LEPROTL1: variants seen among roughly 807,000 people sequenced by gnomAD.
LEPROTL1 encodes the protein leptin receptor overlapping transcript like 1, also known as leptin receptor overlapping transcript-like 1.
A neutral mutation model predicts 15.4 loss-of-function variants in LEPROTL1; 6 were observed. That is an observed-to-expected ratio of 0.39 (90% CI 0.21 to 0.77). The LOEUF is 0.77. LEPROTL1 is among the 30% of genes least tolerant of loss of function. The pLI is 0.41. For missense variants in LEPROTL1, 128 were observed against 158.1 expected (o/e 0.81, Z 1.02); for synonymous variants, 56 against 52.6 (o/e 1.06, Z -0.28).
chr8:30,130,720 C>T (rs1016829469), intron 3 of LEPROTL1, among the ~76,000 whole-genome samples: 4 of 151,298 alleles, frequency 2.6e-5, no homozygotes, highest in Admixed American at 2.0e-4. Flanking sequence ...TAACATATAC[C>T]TGGGAATAAT....
chr8:30,099,190 C>A (rs1802421116), intron 1 of LEPROTL1, among the ~76,000 whole-genome samples: 1 of 152,192 alleles, frequency 6.6e-6, no homozygotes, highest in South Asian at 2.1e-4. Flanking sequence ...ATTGCTCTGT[C>A]TCCAGTAGCA....
intron 3 of LEPROTL1, among the ~76,000 whole-genome samples, chr8:30,131,366 C>T (rs774083386): frequency 6.7e-5 from 10 of 149,518 alleles, no homozygotes; most frequent in Non-Finnish European, 1.0e-4. Context: ...TGTTGCCCAA[C>T]CTGGTCTCAA....
chr8:30,095,452 C>A lies in LEPROTL1; in HGVS notation c.-61C>A. 6.9e-7 allele frequency: 1 copy of A among 1,459,262 alleles called. No individual in the cohort carries two copies. The highest frequency in any genetic ancestry group is 1.3e-5 in the South Asian group (1 of 76,834). The allele number at this position is 1,459,262 out of a possible 1,614,324, so 90.4% of individuals were successfully genotyped here. A position where few individuals can be genotyped will look rare whatever the true frequency, so the allele number is the denominator to read the frequency against. On this transcript the variant is annotated 5_prime_UTR_variant, in exon 1 of 4. Coordinates refer to ENST00000321250, the MANE Select transcript of LEPROTL1 (RefSeq NM_015344.3). ...GGCCGCCGTAGCGCGTCTTGGGTCT[C>A]CCGGCTGCCGCTGCTGCCGCCGCCG...
Position 30,107,815 on chromosome 8 carries a change from G to A in LEPROTL1, c.*1953G>A, listed in dbSNP as rs1208627775. ...ATTTTCTGTTCTGGATGTCAGTGCA[G>A]TGCACTGCTACTGTTTTATCCACTT... On this transcript the variant is annotated 3_prime_UTR_variant, in exon 4 of 4. Transcript: ENST00000321250. 5 of 985,238 alleles carry A rather than the reference G, an allele frequency of 5.1e-6. No homozygotes were observed. The East Asian group carries it at 5.7e-4, about 112-fold the overall frequency. 61.0% of individuals were successfully genotyped at this position (985,238 alleles called of 1,614,324 possible).
intron 3 of LEPROTL1, 74 bp downstream of exon 3, chr8:30,104,560 T>C (rs915161415): frequency 2.0e-6 from 2 of 1,000,108 alleles, no homozygotes; most frequent in Non-Finnish European, 1.4e-6. Flanking sequence ...AAAGTTTTTG[T>C]TAATGACATG....
At chr8:30,099,598 T>A (rs13256178) in intron 1 of LEPROTL1, among the ~76,000 whole-genome samples, 2 of 131,754 alleles carry the variant, frequency 1.5e-5, no homozygotes, top group African/African-American at 5.9e-5. Context: ...AAGACTCCAT[T>A]TAAAAAAAAA....
intron 3 of LEPROTL1, among the ~76,000 whole-genome samples, chr8:30,131,294 A>G (rs113566525): frequency 0.032 from 1,564 of 49,150 alleles, 36 homozygotes; most frequent in African/African-American, 0.056. Context: ...ATATATATAT[A>G]TATGTGTGTG....
intron 1 of LEPROTL1, chr8:30,095,984 C>T (rs561659435): frequency 3.6e-5 from 24 of 665,348 alleles, no homozygotes; most frequent in Admixed American, 2.3e-4. Flanking sequence ...GTGCGGTCTG[C>T]GGGCGCTGCA....
chr8:30,105,644 T>G (rs1011669796), intron 3 of LEPROTL1, 102 bp from the exon 4 acceptor site: 1 of 819,724 alleles, frequency 1.2e-6, no homozygotes, highest in East Asian at 3.1e-5. Context: ...CAAGGCATGC[T>G]TCTTTTAGAT....
intron 3 of LEPROTL1, among the ~76,000 whole-genome samples, chr8:30,129,946 G>T (rs1269960083): frequency 2.0e-5 from 3 of 151,950 alleles, no homozygotes; most frequent in African/African-American, 7.3e-5. Context: ...AAGGCGTTAC[G>T]CACTTTTATA....
chr8:30,136,170 C>A (rs1025400803), intron 4 of LEPROTL1, among the ~76,000 whole-genome samples: 1 of 152,148 alleles, frequency 6.6e-6, no homozygotes, highest in Non-Finnish European at 1.5e-5. Context: ...TATGGTCTAA[C>A]CCCAGTACCT....
At chr8:30,117,807 G>T in intron 3 of LEPROTL1, 1 of 686,286 alleles carries the variant, frequency 1.5e-6, no homozygotes, top group East Asian at 2.5e-5. Flanking sequence ...ATGGCAGGAG[G>T]AGCAGTGAGA....
intron 1 of LEPROTL1, among the ~76,000 whole-genome samples, chr8:30,100,237 T>G (rs1380821032): frequency 1.3e-5 from 2 of 152,210 alleles, no homozygotes; most frequent in South Asian, 2.1e-4. Flanking sequence ...ATATCAGTAG[T>G]ACTTGGCAAA....
Position 30,095,486 on chromosome 8 carries a change from C to T in LEPROTL1, c.-27C>T. The T allele has an allele frequency of 1.1e-5, 16 of 1,463,562 alleles. No homozygotes were observed. Among genetic ancestry groups the T allele is most frequent in the Non-Finnish European group, 1.4e-5 (16 of 1,111,922 alleles). The allele number at this position is 1,463,562 out of a possible 1,614,324, so 90.7% of individuals were successfully genotyped here. On this transcript the variant is annotated 5_prime_UTR_variant, in exon 1 of 4. Transcript: ENST00000321250. ...CGCTGCTGCCGCCGCCGCCTCGGGTCGTGGAGCCAGGAGCGACGTCACCGC... is the reference window on the plus strand; with the variant it reads ...CGCTGCTGCCGCCGCCGCCTCGGGTTGTGGAGCCAGGAGCGACGTCACCGC...
In LEPROTL1 at chr8:30,100,031, A is replaced by G. The variant is rs533151472; in HGVS notation, c.17-1867A>G. Among the ~76,000 whole-genome samples, 6 of 152,312 alleles carry G rather than the reference A, an allele frequency of 3.9e-5. No homozygotes were observed. The South Asian group carries it at 1.2e-3, about 32-fold the overall frequency. On this transcript the variant is annotated intron_variant, in intron 1 of 3. Coordinates refer to ENST00000321250, the MANE Select transcript of LEPROTL1 (RefSeq NM_015344.3). Reference sequence around the variant, plus strand: ...TACAGTTTATATTGCATTCCCCTGTAAACTTGAAGTGCCTCGTTTGCTGTA... The same window carrying G: ...TACAGTTTATATTGCATTCCCCTGTGAACTTGAAGTGCCTCGTTTGCTGTA...
downstream of LEPROTL1, among the ~76,000 whole-genome samples, chr8:30,111,721 C>T (rs559859963): frequency 7.9e-5 from 12 of 152,176 alleles, no homozygotes; most frequent in South Asian, 2.1e-4. Flanking sequence ...GTGGAGTTCA[C>T]GGAAGGGAAA....
chr8:30,101,769 A>G (rs1476342239), intron 1 of LEPROTL1, 129 bp from the exon 2 acceptor site: 2 of 511,426 alleles, frequency 3.9e-6, no homozygotes, highest in African/African-American at 2.0e-5. Flanking sequence ...TACACTTCTG[A>G]TGGCAACTTG....
chr8:30,130,021 A>G (rs997080865), intron 3 of LEPROTL1, among the ~76,000 whole-genome samples: 6 of 152,170 alleles, frequency 3.9e-5, no homozygotes, highest in Admixed American at 3.3e-4. Context: ...ATCCACCCCC[A>G]TGATTTAATC....
chr8:30,135,070 T>TC (rs1362073758), intron 4 of LEPROTL1, among the ~76,000 whole-genome samples: 2 of 150,708 alleles, frequency 1.3e-5, no homozygotes, highest in African/African-American at 4.9e-5. Context: ...TTTTTTTTTT[T>TC]TTGTAGAGAT....
Sources: gnomAD v4.1 joint callset for allele counts (sites outside exome capture counted in the v4.1 genomes callset) on GRCh38, gnomAD v4.1.1 for gene constraint, MANE v1.5 for transcripts, NCBI Gene and HGNC (gene_info 2026-07-23, HGNC 2026-07-21) for gene names.